FGF13: variants seen among roughly 807,000 people sequenced by gnomAD.
FGF13 encodes fibroblast growth factor 13, also known as fibroblast growth factor homologous factor 2.
FGF13 carries 2 observed loss-of-function variants against 19.5 expected under a neutral mutation model. That is an observed-to-expected ratio of 0.10 (90% CI 0.04 to 0.32). The LOEUF (loss-of-function observed/expected upper bound fraction) is 0.32. Among genes scored for constraint, FGF13 ranks in the 10% least tolerant of loss-of-function variants. FGF13 has a pLI of 1.00. For synonymous variants in FGF13, 72 were observed against 76.9 expected (o/e 0.94, Z 0.33); for missense variants, 113 against 192.7 (o/e 0.59, Z 2.45).
At chrX:139,202,555 C>G (rs781261660) in intron 1 of FGF13, among the ~76,000 whole-genome samples, 1 of 111,588 alleles carries the variant, frequency 9.0e-6, no homozygotes, top group Admixed American at 9.5e-5. Flanking sequence ...GGATCTAACC[C>G]CTCCACAAAC....
chrX:138,975,106 C>T (rs1283099420), intron 1 of FGF13, among the ~76,000 whole-genome samples: 2 of 112,806 alleles, frequency 1.8e-5, no homozygotes, highest in African/African-American at 6.4e-5. Context: ...CAAATTGCTT[C>T]AAGCAGCCTT....
chrX:138,681,968 A>C (rs751387044), intron 3 of FGF13, among the ~76,000 whole-genome samples: 1 of 112,393 alleles, frequency 8.9e-6, no homozygotes, highest in Admixed American at 9.4e-5. Context: ...TAACAGATAC[A>C]ACAATAATGA....
downstream of FGF13, among the ~76,000 whole-genome samples, chrX:138,852,887 G>C (rs2091231810): frequency 9.0e-6 from 1 of 110,812 alleles, no homozygotes; most frequent in African/African-American, 3.3e-5. Flanking sequence ...CCATTAAAAA[G>C]TGGGCAAAGG....
chrX:138,870,575 G>C (rs770028449), intron 1 of FGF13, among the ~76,000 whole-genome samples: 2 of 112,536 alleles, frequency 1.8e-5, no homozygotes, highest in African/African-American at 6.4e-5. Flanking sequence ...GTTACCTTAA[G>C]ACTGCAGATG....
At chrX:139,130,367 A>C (rs1329135007) in intron 1 of FGF13, among the ~76,000 whole-genome samples, 4 of 112,644 alleles carry the variant, frequency 3.6e-5, no homozygotes, top group African/African-American at 1.3e-4. Context: ...TTAATGCCAA[A>C]GTATTTAATG....
At chrX:138,879,926 A>T (rs534669319) in intron 1 of FGF13, among the ~76,000 whole-genome samples, 69 of 112,476 alleles carry the variant, frequency 6.1e-4, no homozygotes, top group Middle Eastern at 9.3e-3. Flanking sequence ...TTTGCAGTCT[A>T]TCCATCTGAC....
chrX:138,665,164 G>T (rs1274871167), intron 3 of FGF13, among the ~76,000 whole-genome samples: 4 of 110,594 alleles, frequency 3.6e-5, no homozygotes, highest in Admixed American at 9.7e-5. Context: ...TTAAACCTAA[G>T]ATTCCTCCAC....
rs1013050769 is a variant in FGF13 at position 138,960,894 on chromosome X, T to C, written c.-112-96244A>G. 3.6e-5 allele frequency among the ~76,000 whole-genome samples: 4 copies of C among 111,909 alleles called. No homozygotes were observed. In the Admixed American group the frequency reaches 3.8e-4, roughly 11 times the overall value. ...AAGGTCTTCTCTATGCTGTTTATTCTAGTTAGCCATTTGTCTAACCTTTTT... is the reference window on the plus strand; with the variant it reads ...AAGGTCTTCTCTATGCTGTTTATTCCAGTTAGCCATTTGTCTAACCTTTTT... On this transcript the variant is annotated intron_variant, in intron 1 of 2. Transcript: ENST00000421460.
intron 3 of FGF13, among the ~76,000 whole-genome samples, chrX:138,792,168 G>A (rs752702924): frequency 8.9e-6 from 1 of 112,137 alleles, no homozygotes; most frequent in African/African-American, 3.2e-5. Context: ...AGAATGTCTA[G>A]CATAGACTAG....
chrX:138,983,282 C>A (rs2091971310), intron 1 of FGF13, among the ~76,000 whole-genome samples: 1 of 108,287 alleles, frequency 9.2e-6, no homozygotes, highest in Admixed American at 1.0e-4. Context: ...TTGATTTTTG[C>A]AAGTGGTGGG....
chrX:138,710,420 GATT>G (rs2090033287), intron 1 of FGF13, among the ~76,000 whole-genome samples: 3 of 111,400 alleles, frequency 2.7e-5, no homozygotes, highest in Non-Finnish European at 5.7e-5. Flanking sequence ...GCAAGAGAGG[GATT>G]CCCCAGGCTC....
chrX:138,828,548 C>T (rs1334481316), intron 3 of FGF13, among the ~76,000 whole-genome samples: 1 of 98,029 alleles, frequency 1.0e-5, no homozygotes, highest in African/African-American at 3.9e-5. Flanking sequence ...CCAGCCTGGG[C>T]GACAGAGCGA....
intron 1 of FGF13, among the ~76,000 whole-genome samples, chrX:139,131,899 A>C (rs2083765039): frequency 8.9e-6 from 1 of 111,795 alleles, no homozygotes; most frequent in South Asian, 3.7e-4. Context: ...TTTTCTGTTT[A>C]AGCTTGCACG....
chrX:138,817,733 C>T (rs1334255234), intron 3 of FGF13, among the ~76,000 whole-genome samples: 1 of 111,852 alleles, frequency 8.9e-6, no homozygotes, highest in Non-Finnish European at 1.9e-5. Flanking sequence ...ATATGTGCTG[C>T]CTTTATGTTT....
At chrX:139,158,773 T>G (rs6654360) in intron 1 of FGF13, among the ~76,000 whole-genome samples, 13,002 of 110,402 alleles carry the variant, frequency 0.12, 1,288 homozygotes, top group African/African-American at 0.33. Context: ...GAGAAGATTA[T>G]TGAAACAAGA....
chrX:138,810,273 C>G (rs888909424), intron 3 of FGF13, among the ~76,000 whole-genome samples: 1 of 111,195 alleles, frequency 9.0e-6, no homozygotes, highest in Non-Finnish European at 1.9e-5. Context: ...AAAACAGAGC[C>G]CTCAGAAATA....
At chrX:138,937,317 C>T (rs679305) in intron 1 of FGF13, among the ~76,000 whole-genome samples, 5,148 of 111,396 alleles carry the variant, frequency 0.046, 133 homozygotes, top group East Asian at 0.17. Flanking sequence ...TTCAATACAA[C>T]TTATAATAAC....
chrX:138,654,019 C>T (rs1286029741), intron 3 of FGF13, among the ~76,000 whole-genome samples: 1 of 111,953 alleles, frequency 8.9e-6, no homozygotes, highest in Non-Finnish European at 1.9e-5. Context: ...TTTGAATTTG[C>T]ATACTGGTTG....
intron 3 of FGF13, among the ~76,000 whole-genome samples, chrX:138,679,935 C>T (rs2089711264): frequency 8.9e-6 from 1 of 112,240 alleles, no homozygotes; most frequent in African/African-American, 3.2e-5. Context: ...CGGATTATAT[C>T]CTCTCAAACC....
Sources: allele counts gnomAD v4.1 joint callset (sites outside exome capture counted in the v4.1 genomes callset), GRCh38; gene constraint gnomAD v4.1.1; transcripts MANE v1.5; gene names NCBI Gene and HGNC (gene_info 2026-07-23, HGNC 2026-07-21).